Variants in ZDHHC11B observed in about 807,000 individuals in gnomAD.
ZDHHC11B encodes zDHHC palmitoyltransferase 11B (putative), also known as probable palmitoyltransferase ZDHHC11B.
Under a neutral mutation model 42.3 loss-of-function variants are expected in ZDHHC11B, and 17 were observed. That is an observed-to-expected ratio of 0.40 (90% CI 0.27 to 0.60). ZDHHC11B has a LOEUF of 0.60. Among genes scored for constraint, ZDHHC11B ranks in the 20% least tolerant of loss-of-function variants. ZDHHC11B has a pLI of 0.41. For synonymous variants in ZDHHC11B, 123 were observed against 193.5 expected (o/e 0.64, Z 3.02); for missense variants, 262 against 463.2 (o/e 0.57, Z 3.99).
intron 1 of ZDHHC11B, among the ~76,000 whole-genome samples, chr5:777,772 G>A (rs1367334983): frequency 6.6e-6 from 1 of 151,990 alleles, no homozygotes; most frequent in Admixed American, 6.6e-5. Context: ...TTCTCTATCG[G>A]ATCCTGAGCC....
chr5:731,533 C>CAATCTTTTAAATTGTGTTTTTAAATGG (rs1213294449), intron 11 of ZDHHC11B, among the ~76,000 whole-genome samples: 1 of 151,058 alleles, frequency 6.6e-6, no homozygotes, highest in African/African-American at 2.5e-5. Context: ...TGGTGAAGAA[C>CAATCTTTTAAATTGTGTTTTTAAATGG]GTGTTCAATC....
At chr5:722,671 T>C (rs1479236709) in intron 12 of ZDHHC11B, among the ~76,000 whole-genome samples, 3 of 151,648 alleles carry the variant, frequency 2.0e-5, no homozygotes, top group Non-Finnish European at 4.4e-5. Flanking sequence ...CCTGGAGAAA[T>C]GGTTGCACCT....
chr5:742,214 C>T (rs1326313671), intron 9 of ZDHHC11B, among the ~76,000 whole-genome samples: 3 of 138,726 alleles, frequency 2.2e-5, no homozygotes, highest in Non-Finnish European at 4.6e-5. Context: ...GAACTCCTGG[C>T]CTCAAGCAAT....
At position 751,440 on chromosome 5, in the gene ZDHHC11B, GGGGCAGGGACACGCA is replaced by G. The variant is rs1745691222; in HGVS notation, c.504-198_504-184del. Among the ~76,000 whole-genome samples, 22 of 30,724 alleles carry G rather than the reference GGGGCAGGGACACGCA, an allele frequency of 7.2e-4. No homozygotes were observed. The East Asian group carries it at 0.017, about 24-fold the overall frequency. The allele number at this position is 30,724 out of a possible 152,430, so 20.2% of individuals were successfully genotyped here. A position where few individuals can be genotyped will look rare whatever the true frequency, so the allele number is the denominator to read the frequency against. On this transcript the variant is annotated intron_variant, in intron 6 of 13. Transcript: ENST00000508859. ...GGACAGGTGTGGGGGCGGGGAGGCA[GGGGCAGGGACACGCA>G]GGGCATCTGAGGCAGGGGCGGGGGC...
chr5:770,332 C>G (rs1485285269), intron 1 of ZDHHC11B, among the ~76,000 whole-genome samples: 3 of 149,848 alleles, frequency 2.0e-5, no homozygotes, highest in Non-Finnish European at 3.0e-5. Flanking sequence ...TGGAGCCAAG[C>G]GAGGCCTTGC....
At chr5:760,448 C>T (rs1734451945) in intron 4 of ZDHHC11B, among the ~76,000 whole-genome samples, 1 of 151,710 alleles carries the variant, frequency 6.6e-6, no homozygotes, top group Non-Finnish European at 1.5e-5. Context: ...ACCATCCCCT[C>T]CAGCAGCTTC....
intron 4 of ZDHHC11B, among the ~76,000 whole-genome samples, chr5:760,052 T>C (rs1649595686): frequency 6.6e-6 from 1 of 151,748 alleles, no homozygotes; most frequent in African/African-American, 2.4e-5. Context: ...GAAATGGAGA[T>C]CCAGGTGTGG....
chr5:718,564 T>C (rs527484350), intron 12 of ZDHHC11B, among the ~76,000 whole-genome samples: 1 of 151,570 alleles, frequency 6.6e-6, no homozygotes, highest in Admixed American at 6.6e-5. Flanking sequence ...AATGTGGTGG[T>C]GAGTGCCTGT....
intron 12 of ZDHHC11B, among the ~76,000 whole-genome samples, chr5:718,758 T>C (rs992111588): frequency 6.6e-6 from 1 of 150,948 alleles, no homozygotes; most frequent in Admixed American, 6.6e-5. Flanking sequence ...TCGTGAATGG[T>C]GTACATGAGC....
chr5:715,774 A>G (rs1345533114), intron 13 of ZDHHC11B, among the ~76,000 whole-genome samples: 2 of 151,336 alleles, frequency 1.3e-5, no homozygotes, highest in Non-Finnish European at 2.9e-5. Context: ...TTTACACAGA[A>G]CCATGAGTCC....
chr5:783,755 CAAA>C, intron 1 of ZDHHC11B, among the ~76,000 whole-genome samples: 1 of 120,882 alleles, frequency 8.3e-6, no homozygotes, highest in African/African-American at 3.0e-5. Context: ...CAGCAGCCCC[CAAA>C]TACCCATCAA....
chr5:741,995 G>C (rs556274131), intron 9 of ZDHHC11B, among the ~76,000 whole-genome samples: 13 of 134,604 alleles, frequency 9.7e-5, no homozygotes, highest in African/African-American at 3.3e-4. Flanking sequence ...CATTCTCCTG[G>C]GTGTGTGGTA....
At chr5:721,769 C>T (rs1390117374) in intron 12 of ZDHHC11B, among the ~76,000 whole-genome samples, 2 of 151,718 alleles carry the variant, frequency 1.3e-5, no homozygotes, top group African/African-American at 4.9e-5. Context: ...GACCATAATA[C>T]TGAATAACTA....
At chr5:777,097 G>A (rs946946786) in intron 1 of ZDHHC11B, among the ~76,000 whole-genome samples, 1 of 151,938 alleles carries the variant, frequency 6.6e-6, no homozygotes, top group Non-Finnish European at 1.5e-5. Flanking sequence ...CCCGCAGTGA[G>A]TGTCACAGTT....
chr5:772,814 G>T (rs1222429810), intron 1 of ZDHHC11B, among the ~76,000 whole-genome samples: 1 of 151,840 alleles, frequency 6.6e-6, no homozygotes, highest in African/African-American at 2.4e-5. Context: ...TGCGTGGGGT[G>T]TGTGCTGAGG....
rs1166142982 is a variant in ZDHHC11B, at chr5:710,423, T to C, written c.*1867A>G. 6.5e-6 allele frequency: 1 copy of C among 154,192 alleles called. No homozygotes were observed. Among genetic ancestry groups the C allele is most frequent in the East Asian group, 1.9e-4 (1 of 5,332 alleles). 9.6% of individuals were successfully genotyped at this position (154,192 alleles called of 1,614,324 possible). ...TTTAAAATATGACTACTAAACAGAC[T>C]AAAACGCAGAGTTCATTAAAATACA... On this transcript the variant is annotated 3_prime_UTR_variant, in exon 14 of 14. Coordinates refer to ENST00000508859, the MANE Select transcript of ZDHHC11B (RefSeq NM_001351303.2).
chr5:783,606 C>A, intron 1 of ZDHHC11B, among the ~76,000 whole-genome samples: 2 of 151,416 alleles, frequency 1.3e-5, no homozygotes, highest in African/African-American at 4.9e-5. Context: ...GAACGCAACA[C>A]CCCATCAAAA....
At chr5:767,799 T>C (rs1255968607) in intron 2 of ZDHHC11B, among the ~76,000 whole-genome samples, 24 of 55,396 alleles carry the variant, frequency 4.3e-4, no homozygotes, top group African/African-American at 1.3e-3. Flanking sequence ...GCAAAAGAGC[T>C]GTGTGGAAAC....
intron 1 of ZDHHC11B, among the ~76,000 whole-genome samples, chr5:776,367 G>C (rs1211286143): frequency 2.0e-5 from 3 of 151,846 alleles, no homozygotes; most frequent in African/African-American, 7.3e-5. Context: ...GACCCAGGTC[G>C]CTGACTGAGG....
Sources: gnomAD v4.1 joint callset for allele counts (sites outside exome capture counted in the v4.1 genomes callset) on GRCh38, gnomAD v4.1.1 for gene constraint, MANE v1.5 for transcripts, NCBI Gene and HGNC (gene_info 2026-07-23, HGNC 2026-07-21) for gene names.